The following HERC2 variants were observed in gnomAD, a reference collection of about 807,000 sequenced individuals.
HERC2 encodes HECT and RLD domain containing E3 ubiquitin protein ligase 2.
In HERC2, 102 loss-of-function variants were observed where a neutral mutation model predicts 537.7. The ratio of observed to expected loss-of-function variants is 0.19; its 90% CI spans 0.16 to 0.22. The LOEUF is 0.22. HERC2 is among the 10% of genes least tolerant of loss of function. The pLI, the probability that HERC2 is intolerant of heterozygous loss-of-function variation, is 1.00. For missense variants in HERC2, 4,236 were observed against 6,198.2 expected (o/e 0.68, Z 10.63); for synonymous variants, 2,224 against 2,466.2 (o/e 0.90, Z 2.91).
chr15:28,293,721 A>C (rs1483593758), intron 3 of HERC2, among the ~76,000 whole-genome samples: 1 of 152,036 alleles, frequency 6.6e-6, no homozygotes, highest in African/African-American at 2.4e-5. Flanking sequence ...AAATCTTTTA[A>C]CTCTTTACAA....
In HERC2 at chr15:28,211,012, A is replaced by G. The variant is rs771339965; in HGVS notation, c.7059T>C (p.Thr2353=). Residue 2353 remains threonine, a synonymous_variant, in exon 44 of 93, where the codon ACT becomes ACC. Coordinates refer to ENST00000261609, the MANE Select transcript of HERC2 (RefSeq NM_004667.6). The part of the protein sequence containing the change: ...LSQPAVQETG[T]VHTDDGAVVS... ...TTTTTAAAAAGACACCTGTGTGAAC[A>G]GTTCCAGTCTCCTGAACAGCTGGCT... is the stretch of plus-strand genomic sequence containing the variant. The G allele has an allele frequency of 3.8e-6, 6 of 1,568,774 alleles. No homozygotes were observed. The highest frequency in any genetic ancestry group is 2.2e-5 in the East Asian group (1 of 44,804).
At chr15:28,145,367 C>T (rs1342761019) in intron 71 of HERC2, among the ~76,000 whole-genome samples, 1 of 152,218 alleles carries the variant, frequency 6.6e-6, no homozygotes, top group Admixed American at 6.5e-5. Context: ...CCAAGAGAAC[C>T]CTGCCAGATT....
chr15:28,195,412 G>C (rs529924866), intron 52 of HERC2, among the ~76,000 whole-genome samples: 1 of 152,252 alleles, frequency 6.6e-6, no homozygotes, highest in East Asian at 1.9e-4. Flanking sequence ...ACTGAGCCAA[G>C]ATCGTGCCAC....
chr15:28,189,601 T>C (rs752152576), intron 55 of HERC2, among the ~76,000 whole-genome samples: 7 of 152,164 alleles, frequency 4.6e-5, no homozygotes, highest in Non-Finnish European at 1.0e-4. Context: ...TTCCATGACA[T>C]TCCAGAATAA....
chr15:28,184,724 T>C (rs1182975119), intron 56 of HERC2, among the ~76,000 whole-genome samples: 1 of 151,218 alleles, frequency 6.6e-6, no homozygotes, highest in Non-Finnish European at 1.5e-5. Context: ...TAGCCGGGCA[T>C]GGCGGCGTGC....
chr15:28,229,433 T>G, intron 33 of HERC2, 27 bp downstream of exon 33: 1 of 1,613,620 alleles, frequency 6.2e-7, no homozygotes, highest in Non-Finnish European at 8.5e-7. Context: ...CTACCTTAAT[T>G]AAGAAAAAAA....
At position 28,146,205 on chromosome 15, in the gene HERC2, A is replaced by G. The variant is rs370537096; in HGVS notation, c.11008+32T>C. On this transcript the variant is annotated intron_variant, in intron 71 of 92. Coordinates refer to ENST00000261609, the MANE Select transcript of HERC2 (RefSeq NM_004667.6). Reference sequence around the variant, plus strand: ...TGTGTCTACGGAGACACAGGTGGGTAGATCATGCCCTGCTCAACCTCCTGT... The same window carrying G: ...TGTGTCTACGGAGACACAGGTGGGTGGATCATGCCCTGCTCAACCTCCTGT... 7.8e-6 allele frequency: 11 copies of G among 1,415,280 alleles called. No homozygotes were observed. The African/African-American group carries it at 9.8e-5, about 13-fold the overall frequency. The allele number at this position is 1,415,280 out of a possible 1,614,324, so 87.7% of individuals were successfully genotyped here.
At position 28,218,519 on chromosome 15, in the gene HERC2, A is replaced by C; in HGVS notation, c.5998T>G (p.Leu2000Val). 1 of 1,595,552 alleles carries C rather than the reference A, an allele frequency of 6.3e-7. No individual in the cohort carries two copies. Among genetic ancestry groups the C allele is most frequent in the Non-Finnish European group, 8.5e-7 (1 of 1,179,454 alleles). Residue 2000 changes from leucine to valine, a missense_variant, in exon 38 of 93, where the codon TTA becomes GTA. Leu to Val is a conservative substitution (Grantham distance 32). This residue lies in a region of HERC2 where 365 missense variants were observed against 468.8 expected (regional missense o/e 0.78). Transcript: ENST00000261609. The stretch of plus-strand genomic sequence containing the variant: ...TTGTCCGTCGTTCCGCTTTCCACTA[A>C]CATTCGCAGCAGTCCGCATAAAGTC... ...TKTLCGLLRMLVESGTTDKTS... is the reference protein window; with the variant it reads ...TKTLCGLLRMVVESGTTDKTS...
intron 55 of HERC2, among the ~76,000 whole-genome samples, chr15:28,188,009 A>G (rs1400810193): frequency 6.6e-6 from 1 of 152,118 alleles, no homozygotes; most frequent in Non-Finnish European, 1.5e-5. Flanking sequence ...CTCAAGATCT[A>G]CCATTTCAGA....
chr15:28,245,975 C>G lies in HERC2; in HGVS notation c.3483G>C (p.Leu1161=), dbSNP rs770538767. 1.2e-6 allele frequency: 2 copies of G among 1,614,074 alleles called. No homozygotes were observed. The highest frequency in any genetic ancestry group is 1.7e-5 in the Admixed American group (1 of 60,020). ...GATCCAGATGTTCCAACAGGCCACCCAGCAGAGGTACAGCTCCAGCCTCTT... is the reference window on the plus strand; with the variant it reads ...GATCCAGATGTTCCAACAGGCCACCGAGCAGAGGTACAGCTCCAGCCTCTT... ...LMQEAGAVPL[L]GGLLEHLDRF... Residue 1161 remains leucine (L), a synonymous_variant, in exon 23 of 93, where the codon CTG becomes CTC. Coordinates refer to ENST00000261609, the MANE Select transcript of HERC2 (RefSeq NM_004667.6).
chr15:28,195,420 C>T (rs1897264885), intron 52 of HERC2, among the ~76,000 whole-genome samples: 2 of 152,120 alleles, frequency 1.3e-5, no homozygotes, highest in Admixed American at 1.3e-4. Context: ...AAGATCGTGC[C>T]ACTGCAGTCC....
At chr15:28,210,493 GC>G (rs1899072603) in intron 44 of HERC2, among the ~76,000 whole-genome samples, 1 of 152,182 alleles carries the variant, frequency 6.6e-6, no homozygotes, top group South Asian at 2.1e-4. Flanking sequence ...GGAATGACTT[GC>G]TGGGCCAAAG....
Position 28,293,007 on chromosome 15 carries a change from G to C in HERC2, c.203C>G (p.Pro68Arg), listed in dbSNP as rs1392695319. ...CAGATCTTCTTTCTTTGTTCCACTT[G>C]GTTCGACACTATCATCTGCAGAATT... ...LPPRKDDSVE[P>R]SGTKKEDLND... Residue 68 changes from proline (P) to arginine (R), a missense_variant, in exon 4 of 93, where the codon CCA becomes CGA. By Grantham distance (103) the Pro-to-Arg change is moderately radical. Coordinates refer to ENST00000261609, the MANE Select transcript of HERC2 (RefSeq NM_004667.6). 1 of 1,609,798 alleles carries C rather than the reference G, an allele frequency of 6.2e-7. No homozygotes were observed. Among genetic ancestry groups the C allele is most frequent in the Non-Finnish European group, 8.5e-7 (1 of 1,179,354 alleles).
At chr15:28,130,434 A>AT in intron 82 of HERC2, 69 bp downstream of exon 82, 1 of 1,578,678 alleles carries the variant, frequency 6.3e-7, no homozygotes, top group Non-Finnish European at 8.7e-7. Context: ...CCCATCCATG[A>AT]AAAGGTGGTG....
chr15:28,124,164 TGCA>T lies in HERC2; in HGVS notation c.13058_13060del (p.Leu4353del), dbSNP rs748511588. 8.2e-6 allele frequency: 13 copies of T among 1,584,450 alleles called. No homozygotes were observed. The highest frequency in any genetic ancestry group is 7.2e-5 in the Admixed American group (4 of 55,782). On this transcript the variant is annotated inframe_deletion, in exon 85 of 93. Transcript: ENST00000261609. ...GGGGCAGAAGAGCTCGGAGAGGTGG[TGCA>T]GCAGCAGCAGACGGTTCCTCAGCGC... is the stretch of plus-strand genomic sequence containing the variant.
chr15:28,171,429 G>A lies in HERC2; in HGVS notation c.10058-1774C>T, dbSNP rs114732733. ...TTGAACCAGAAAGGAGAAGATGAGA[G>A]TCAAGCATTATCTTCATCTACCCCA... On this transcript the variant is annotated intron_variant, in intron 65 of 92. Coordinates refer to ENST00000261609, the MANE Select transcript of HERC2 (RefSeq NM_004667.6). 4.6e-3 allele frequency among the ~76,000 whole-genome samples: 693 copies of A among 152,252 alleles called. 1 individual carries two copies. Among genetic ancestry groups the A allele is most frequent in the African/African-American group, 0.016 (662 of 41,554 alleles).
At chr15:28,140,034 C>T (rs1465788990) in intron 78 of HERC2, among the ~76,000 whole-genome samples, 2 of 151,326 alleles carry the variant, frequency 1.3e-5, no homozygotes, top group Non-Finnish European at 2.9e-5. Context: ...TGCCACTGCA[C>T]TCCAGCCTGG....
intron 2 of HERC2, among the ~76,000 whole-genome samples, chr15:28,311,876 TA>T (rs1230788291): frequency 2.0e-5 from 3 of 149,214 alleles, no homozygotes; most frequent in Admixed American, 6.7e-5. Flanking sequence ...GTACCATTTT[TA>T]AAAAAAAAAG....
At chr15:28,311,765 C>A (rs1168601046) in intron 2 of HERC2, among the ~76,000 whole-genome samples, 4 of 152,242 alleles carry the variant, frequency 2.6e-5, no homozygotes, top group Non-Finnish European at 4.4e-5. Context: ...GAGACCCCTG[C>A]CCAGACCTGA....
Sources: allele counts gnomAD v4.1 joint callset (sites outside exome capture counted in the v4.1 genomes callset), GRCh38; gene constraint gnomAD v4.1.1; regional missense constraint gnomAD v4.1.1; transcripts MANE v1.5; gene names NCBI Gene and HGNC (gene_info 2026-07-23, HGNC 2026-07-21).